Variants in RTN4 observed in about 807,000 individuals in gnomAD.
RTN4 encodes reticulon-4.
A neutral mutation model predicts 90.4 loss-of-function variants in RTN4; 32 were observed. That is an observed-to-expected ratio of 0.35 (90% CI 0.27 to 0.48). The LOEUF (loss-of-function observed/expected upper bound fraction) is 0.48, where lower values mean the gene tolerates loss of function less well. Among genes scored for constraint, RTN4 ranks in the 20% least tolerant of loss-of-function variants. The pLI is 0.99. For synonymous variants in RTN4, 629 were observed against 552.5 expected (o/e 1.14, Z -1.94); for missense variants, 1,706 against 1,430.2 (o/e 1.19, Z -3.11).
intron 3 of RTN4, among the ~76,000 whole-genome samples, chr2:55,003,738 GCAAGTA>G (rs1680009086): frequency 6.6e-6 from 1 of 152,112 alleles, no homozygotes; most frequent in Non-Finnish European, 1.5e-5. Flanking sequence ...CTGTAACTAA[GCAAGTA>G]CAGACTTTTT....
intron 2 of RTN4, among the ~76,000 whole-genome samples, chr2:55,077,419 C>T (rs186854568): frequency 6.6e-6 from 1 of 152,054 alleles, no homozygotes; most frequent in Non-Finnish European, 1.5e-5. Context: ...CAATGCAATA[C>T]CACCTCACTC....
intron 3 of RTN4, among the ~76,000 whole-genome samples, chr2:54,989,800 G>C (rs544843448): frequency 9.2e-5 from 14 of 152,174 alleles, no homozygotes; most frequent in Non-Finnish European, 1.6e-4. Context: ...AACTGAGCTG[G>C]GTCTTGAAGA....
chr2:55,058,051 C>T (rs957493234), intron 2 of RTN4, among the ~76,000 whole-genome samples: 5 of 151,874 alleles, frequency 3.3e-5, no homozygotes, highest in Non-Finnish European at 7.4e-5. Context: ...AGAACTAAAA[C>T]TAGGATGGTG....
chr2:55,001,081 C>T (rs1679821524), intron 3 of RTN4, among the ~76,000 whole-genome samples: 1 of 151,876 alleles, frequency 6.6e-6, no homozygotes, highest in African/African-American at 2.4e-5. Context: ...TTTAAATAAG[C>T]AATAAACTTG....
chr2:55,087,668 T>C (rs1022614315), intron 1 of RTN4, among the ~76,000 whole-genome samples: 1 of 152,142 alleles, frequency 6.6e-6, no homozygotes, highest in East Asian at 1.9e-4. Context: ...TTCATGTGTC[T>C]TTGTACCCAT....
Position 54,973,025 on chromosome 2 carries a change from A to C in RTN4, c.*131T>G. ...TTTCCTCACAACAGTGCATGGCTAA[A>C]AATAAAGATCTAACAACGATCTGTG... is the stretch of plus-strand genomic sequence containing the variant. On this transcript the variant is annotated 3_prime_UTR_variant, in exon 9 of 9. Transcript: ENST00000337526. 1.4e-6 allele frequency: 1 copy of C among 697,560 alleles called. No homozygotes were observed. Among genetic ancestry groups the C allele is most frequent in the Non-Finnish European group, 2.4e-6 (1 of 412,244 alleles). 43.2% of individuals were successfully genotyped at this position (697,560 alleles called of 1,614,324 possible). A position where few individuals can be genotyped will look rare whatever the true frequency, so the allele number is the denominator to read the frequency against.
Position 55,068,086 on chromosome 2 carries a change from T to C in RTN4, c.-63+12403A>G, listed in dbSNP as rs1334027731. On this transcript the variant is annotated intron_variant, in intron 2 of 3. Transcript: ENST00000427710. ...GAAGTATATGAAGAAAATTTGGCCT[T>C]AAGCAGATATGTGGTTGGAAATGGG... Among the ~76,000 whole-genome samples, 4 of 152,256 alleles carry C rather than the reference T, an allele frequency of 2.6e-5. No homozygotes were observed. The South Asian group carries it at 6.2e-4, about 24-fold the overall frequency.
intron 2 of RTN4, among the ~76,000 whole-genome samples, chr2:55,066,185 G>GTGTT (rs1553449501): frequency 2.5e-4 from 25 of 100,484 alleles, no homozygotes; most frequent in African/African-American, 7.4e-4. Flanking sequence ...GTGTGTGTGT[G>GTGTT]TGTGTGTTTG....
chr2:55,037,825 G>T (rs10175952), intron 1 of RTN4, among the ~76,000 whole-genome samples: 7 of 151,854 alleles, frequency 4.6e-5, no homozygotes, highest in African/African-American at 1.7e-4. Flanking sequence ...AAATACTAAG[G>T]GACCTAGAAG....
intron 5 of RTN4, among the ~76,000 whole-genome samples, chr2:54,976,507 G>A (rs536571359): frequency 3.2e-4 from 48 of 152,286 alleles, no homozygotes; most frequent in African/African-American, 1.0e-3. Context: ...TGCTCCATAC[G>A]CTGTGGCCAT....
chr2:55,125,680 C>T, the RTN4 span, among the ~76,000 whole-genome samples: 2 of 152,126 alleles, frequency 1.3e-5, no homozygotes, highest in African/African-American at 2.4e-5. Context: ...GTGGCAGAAT[C>T]GTTTGAACTC....
At chr2:55,070,926 A>G (rs1427554849) in intron 2 of RTN4, among the ~76,000 whole-genome samples, 5 of 151,590 alleles carry the variant, frequency 3.3e-5, no homozygotes, top group Non-Finnish European at 5.9e-5. Context: ...ACAGGTGCCC[A>G]CCACCACGCC....
At chr2:55,084,844 G>A (rs1212545957) in intron 1 of RTN4, among the ~76,000 whole-genome samples, 3 of 152,014 alleles carry the variant, frequency 2.0e-5, no homozygotes, top group Admixed American at 2.0e-4. Flanking sequence ...GAGTGCAATG[G>A]CGCAATCACA....
chr2:55,036,968 C>T lies in RTN4; in HGVS notation c.557-8748G>A, dbSNP rs76254081. 4.3e-4 allele frequency among the ~76,000 whole-genome samples: 65 copies of T among 152,276 alleles called. No homozygotes were observed. The East Asian group carries it at 6.2e-3, about 14-fold the overall frequency. ...CTATCTTAACTTACAGACAACAGGA[C>T]TGTATAGTTGGAAAATCCTAAGGAT... On this transcript the variant is annotated intron_variant, in intron 1 of 8. Coordinates refer to ENST00000337526, the MANE Select transcript of RTN4 (RefSeq NM_020532.5).
At chr2:55,035,529 G>A (rs112385251) in intron 1 of RTN4, among the ~76,000 whole-genome samples, 3,193 of 152,002 alleles carry the variant, frequency 0.021, 62 homozygotes, top group South Asian at 0.072. Context: ...GCTTAAAATC[G>A]AAGTGTAAAG....
At chr2:55,021,730 T>G (rs1477863537) in intron 3 of RTN4, among the ~76,000 whole-genome samples, 1 of 152,144 alleles carries the variant, frequency 6.6e-6, no homozygotes, top group Non-Finnish European at 1.5e-5. Context: ...AAAAGGAAAA[T>G]GACATCTAGA....
At chr2:55,114,810 T>G (rs1573526580), upstream of RTN4, among the ~76,000 whole-genome samples, 1 of 152,144 alleles carries the variant, frequency 6.6e-6, no homozygotes, top group African/African-American at 2.4e-5. Flanking sequence ...CTTCCCTGGG[T>G]GCAAATGCTC....
At chr2:55,021,285 T>C (rs1055354200) in intron 3 of RTN4, among the ~76,000 whole-genome samples, 4 of 152,112 alleles carry the variant, frequency 2.6e-5, no homozygotes, top group African/African-American at 7.2e-5. Context: ...ATCCTCACTA[T>C]AACATAGATC....
intron 1 of RTN4, among the ~76,000 whole-genome samples, chr2:55,035,409 AG>A (rs150154003): frequency 0.046 from 7,023 of 152,230 alleles, 509 homozygotes; most frequent in African/African-American, 0.15. Context: ...CAAAGAAAAT[AG>A]GGGGAAAATT....
Sources: gnomAD v4.1 joint callset for allele counts (sites outside exome capture counted in the v4.1 genomes callset) on GRCh38, gnomAD v4.1.1 for gene constraint, MANE v1.5 for transcripts, NCBI Gene and HGNC (gene_info 2026-07-23, HGNC 2026-07-21) for gene names.